Variants in TUBGCP4 observed in about 807,000 individuals in gnomAD.
TUBGCP4 encodes the protein tubulin gamma complex component 4.
In TUBGCP4, 54 loss-of-function variants were observed where a neutral mutation model predicts 91.6. The observed-to-expected ratio is 0.59, with a 90% CI of 0.47 to 0.74. TUBGCP4 has a LOEUF of 0.74. TUBGCP4 is among the 30% of genes least tolerant of loss of function. TUBGCP4 has a pLI of 0.00. For synonymous variants in TUBGCP4, 297 were observed against 302.8 expected, an observed-to-expected ratio of 0.98 and a Z score of 0.20; for missense variants, 593 against 800.9, an observed-to-expected ratio of 0.74 and a Z score of 3.13.
chr15:43,404,256 T>C, intron 16 of TUBGCP4, 157 bp from the exon 17 acceptor site: 3 of 795,620 alleles, frequency 3.8e-6, no homozygotes, highest in Non-Finnish European at 5.8e-6. Flanking sequence ...GTACAAGTCA[T>C]TTTAGGAACT....
chr15:43,393,512 T>C (rs558364562), intron 9 of TUBGCP4, among the ~76,000 whole-genome samples: 15 of 152,184 alleles, frequency 9.9e-5, no homozygotes, highest in African/African-American at 3.4e-4. Flanking sequence ...TTGTTACATA[T>C]GTATACATGT....
At chr15:43,391,522 AT>A (rs1225234044) in intron 9 of TUBGCP4, 1 of 152,106 alleles carries the variant, frequency 6.6e-6, no homozygotes, top group Non-Finnish European at 1.5e-5. Context: ...GACCTGCTTC[AT>A]TTCTGACCTG....
chr15:43,380,120 C>T lies in TUBGCP4; in HGVS notation c.478C>T (p.His160Tyr). 6.2e-7 allele frequency: 1 copy of T among 1,614,154 alleles called. No homozygotes were observed. The highest frequency in any genetic ancestry group is 8.5e-7 in the Non-Finnish European group (1 of 1,179,964). Residue 160 changes from histidine (H) to tyrosine (Y), a missense_variant, in exon 6 of 18, where the codon CAC (histidine) becomes TAC (tyrosine). Transcript: ENST00000564079. ...TCAAATCCTGGAAACAGTCTACAAA[C>T]ACAGCTGTGGGGGGTTGCCTCCTGT... is the stretch of plus-strand genomic sequence containing the variant. ...GCQILETVYK[H>Y]SCGGLPPVRS... is the part of the protein sequence containing the mutation.
chr15:43,373,944 G>A (rs931903849), intron 1 of TUBGCP4, among the ~76,000 whole-genome samples: 5 of 152,164 alleles, frequency 3.3e-5, no homozygotes, highest in South Asian at 2.1e-4. Context: ...GAGCCACTGC[G>A]CCCGGCAAGA....
intron 3 of TUBGCP4, 29 bp from the exon 4 acceptor site, chr15:43,376,985 A>C (rs1249074519): frequency 1.3e-6 from 2 of 1,574,482 alleles, no homozygotes; most frequent in South Asian, 1.1e-5. Context: ...TTTTGTGTGG[A>C]GCTCTAATCA....
Position 43,398,623 on chromosome 15 carries a change from G to A in TUBGCP4, c.1418+444G>A, listed in dbSNP as rs556761184. ...GTTGGCTGCCAGTTTGTGAGCTCTG[G>A]AAAATAAGGTCTTAGGCACCATGTC... On this transcript the variant is annotated intron_variant, in intron 13 of 17. Transcript: ENST00000564079. Among the ~76,000 whole-genome samples the A allele has an allele frequency of 3.3e-4, 50 of 152,194 alleles. No homozygotes were observed. The South Asian group carries it at 5.0e-3, about 15-fold the overall frequency.
intron 1 of TUBGCP4, among the ~76,000 whole-genome samples, chr15:43,372,892 A>G (rs1250483128): frequency 6.6e-6 from 1 of 152,150 alleles, no homozygotes; most frequent in Non-Finnish European, 1.5e-5. Context: ...TCCCGCATAG[A>G]TTGCCCCTGG....
chr15:43,371,591 C>A (rs574847926), intron 1 of TUBGCP4, among the ~76,000 whole-genome samples, 159 bp downstream of exon 1: 1 of 152,184 alleles, frequency 6.6e-6, no homozygotes, highest in Admixed American at 6.5e-5. Flanking sequence ...AGGGTCAAGG[C>A]TGATGCGACA....
At chr15:43,404,764 G>C (rs1339024003) in intron 17 of TUBGCP4, 1 of 582,206 alleles carries the variant, frequency 1.7e-6, no homozygotes, top group Non-Finnish European at 2.9e-6. Flanking sequence ...AAACCTGACA[G>C]TGAGATAGGT....
chr15:43,404,426 A>G lies in TUBGCP4; in HGVS notation c.1862A>G (p.Gln621Arg), dbSNP rs753168038. Residue 621 changes from glutamine (Q) to arginine (R), a missense_variant, in exon 17 of 18, where the codon CAG becomes CGG. Physicochemically the swap from Gln to Arg is conservative, Grantham distance 43. Transcript: ENST00000564079. ...TTCTCTCTGCAGGGCTTTAGCCGCC[A>G]GTCTTCACTCCTGTTCAAGATTCTC... ...LSILVKGFSRQSSLLFKILSS... is the reference protein window; with the variant it reads ...LSILVKGFSRRSSLLFKILSS... 1 of 1,614,184 alleles carries G rather than the reference A, an allele frequency of 6.2e-7. No homozygotes were observed. Among genetic ancestry groups the G allele is most frequent in the African/African-American group, 1.3e-5 (1 of 75,064 alleles).
chr15:43,408,658 T>G lies in TUBGCP4; in HGVS notation c.*3444T>G, dbSNP rs558274830. On this transcript the variant is annotated 3_prime_UTR_variant, in exon 18 of 18. Coordinates refer to ENST00000564079, the MANE Select transcript of TUBGCP4 (RefSeq NM_014444.5). ...TTGCTTAAAACTTAGTTCTCTGACT[T>G]TACAGGTTGAGAATATTGAACCTAT... 2.0e-6 allele frequency: 1 copy of G among 505,262 alleles called. No homozygotes were observed. The highest frequency in any genetic ancestry group is 2.5e-5 in the South Asian group (1 of 39,642). 31.3% of individuals were successfully genotyped at this position (505,262 alleles called of 1,614,324 possible). A position where few individuals can be genotyped will look rare whatever the true frequency, so the allele number is the denominator to read the frequency against.
Position 43,406,607 on chromosome 15 carries a change from A to C in TUBGCP4, c.*1393A>C, listed in dbSNP as rs1381417034. The stretch of plus-strand genomic sequence containing the variant: ...ACTCTTTGACCCTTTACAGAAAAAA[A>C]CCTTGTTGACCCCTGCTTTAGAGAA... On this transcript the variant is annotated 3_prime_UTR_variant, in exon 18 of 18. Coordinates refer to ENST00000564079, the MANE Select transcript of TUBGCP4 (RefSeq NM_014444.5). 2.2e-6 allele frequency: 1 copy of C among 456,022 alleles called. No individual in the cohort carries two copies. Among genetic ancestry groups the C allele is most frequent in the East Asian group, 6.9e-5 (1 of 14,396 alleles). The allele number at this position is 456,022 out of a possible 1,614,324, so 28.2% of individuals were successfully genotyped here.
chr15:43,395,784 G>A, intron 11 of TUBGCP4, 96 bp downstream of exon 11: 4 of 960,240 alleles, frequency 4.2e-6, no homozygotes, highest in African/African-American at 1.6e-5. Context: ...CCACATAAGA[G>A]CAGCCTGATG....
At chr15:43,393,779 C>T (rs550523263) in intron 9 of TUBGCP4, among the ~76,000 whole-genome samples, 58 of 152,200 alleles carry the variant, frequency 3.8e-4, no homozygotes, top group Non-Finnish European at 5.0e-4. Context: ...CATGAACTCA[C>T]CATTTTTTAT....
chr15:43,391,093 C>T (rs1479628525), intron 9 of TUBGCP4, among the ~76,000 whole-genome samples: 2 of 151,178 alleles, frequency 1.3e-5, no homozygotes, highest in Non-Finnish European at 2.9e-5. Flanking sequence ...TGGTATAATC[C>T]TAGTTCACTG....
rs748671594 is a variant in TUBGCP4, at chr15:43,385,829, GA to G, written c.764del (p.Lys255SerfsTer16). The G allele has an allele frequency of 1.9e-6, 3 of 1,614,134 alleles. No homozygotes were observed. The South Asian group carries it at 3.3e-5, about 18-fold the overall frequency. ...EEENMLAPSL[K>X]QFSLRVEILP... The stretch of plus-strand genomic sequence containing the variant: ...AAGAGAACATGCTGGCACCATCTCT[GA>G]AGCAGTTTTCCCTACGAGTGGAGAT... On this transcript the variant is annotated frameshift_variant, in exon 8 of 18. Transcript: ENST00000564079. LOFTEE classifies it high-confidence loss of function.
chr15:43,375,116 TG>T (rs760329391), intron 1 of TUBGCP4, among the ~76,000 whole-genome samples: 10 of 152,244 alleles, frequency 6.6e-5, no homozygotes, highest in Non-Finnish European at 1.3e-4. Context: ...TTGGCCAGGC[TG>T]GTCTTGAACT....
intron 16 of TUBGCP4, 90 bp from the exon 17 acceptor site, chr15:43,404,323 T>C (rs1468515560): frequency 3.9e-6 from 6 of 1,521,140 alleles, no homozygotes; most frequent in East Asian, 4.5e-5. Context: ...GAACAAGGCT[T>C]TTCCAAGAAA....
Position 43,400,119 on chromosome 15 carries a change from A to G in TUBGCP4, c.1494A>G (p.Gln498=), listed in dbSNP as rs748228373. 6.2e-7 allele frequency: 1 copy of G among 1,614,182 alleles called. No individual in the cohort carries two copies. The highest frequency in any genetic ancestry group is 1.1e-5 in the South Asian group (1 of 91,086). ...AGCTGCAGCACTGCTGGGCCCTACA[A>G]ATGCAGCGCAAGCACCTCAAGTCGA... is the stretch of plus-strand genomic sequence containing the variant. ...QAELQHCWAL[Q]MQRKHLKSNQ... Residue 498 remains glutamine (Q), a synonymous_variant, in exon 14 of 18, where the codon CAA becomes CAG. Coordinates refer to ENST00000564079, the MANE Select transcript of TUBGCP4 (RefSeq NM_014444.5).
Sources: gnomAD v4.1 joint callset for allele counts (sites outside exome capture counted in the v4.1 genomes callset) on GRCh38, gnomAD v4.1.1 for gene constraint, MANE v1.5 for transcripts, NCBI Gene and HGNC (gene_info 2026-07-23, HGNC 2026-07-21) for gene names.